PLAAT3: variants seen among roughly 807,000 people sequenced by gnomAD.
PLAAT3 encodes phospholipase A and acyltransferase 3, also known as Ca-independent phospholipase A1/2.
Under a neutral mutation model 16.7 loss-of-function variants are expected in PLAAT3, and 21 were observed. That is an observed-to-expected ratio of 1.26 (90% CI 0.89 to 1.81). PLAAT3 has a LOEUF of 1.81. Ranked by LOEUF, PLAAT3 falls within the 40% of genes most tolerant of loss-of-function variation. The pLI, the probability that PLAAT3 is intolerant of heterozygous loss-of-function variation, is 0.00. For missense variants in PLAAT3, 219 were observed against 213.7 expected (o/e 1.02, Z -0.16); for synonymous variants, 76 against 81.7 (o/e 0.93, Z 0.38).
At position 63,598,830 on chromosome 11, in the gene PLAAT3, G is replaced by A. The variant is rs117917256; in HGVS notation, c.16-667C>T. 1,013 of 445,512 alleles carry A rather than the reference G, an allele frequency of 2.3e-3. 2 individuals are homozygous for A. Among genetic ancestry groups the A allele is most frequent in the Non-Finnish European group, 3.6e-3 (810 of 222,600 alleles). 27.6% of individuals were successfully genotyped at this position (445,512 alleles called of 1,614,324 possible). On this transcript the variant is annotated intron_variant, in intron 2 of 4. Coordinates refer to ENST00000415826, the MANE Select transcript of PLAAT3 (RefSeq NM_001128203.2). The stretch of plus-strand genomic sequence containing the variant: ...GTAATGTCCCCCGGCTGCTCAGCCT[G>A]ATGCTAAGGTGTGCATGTTCACATT...
chr11:63,614,170 C>T, intron 1 of PLAAT3, 102 bp from the exon 2 acceptor site: 1 of 983,976 alleles, frequency 1.0e-6, no homozygotes, highest in Non-Finnish European at 1.6e-6. Flanking sequence ...AGAGGCGCGC[C>T]TCGGACCCCA....
intron 3 of PLAAT3, among the ~76,000 whole-genome samples, chr11:63,590,758 G>A (rs751402430): frequency 6.6e-6 from 1 of 152,220 alleles, no homozygotes; most frequent in Non-Finnish European, 1.5e-5. Context: ...ACCACACAAA[G>A]CTGCTTACTG....
At chr11:63,615,086 A>ATGTATATGTGTATATATGTGTATATATG (rs1565259640), upstream of PLAAT3, among the ~76,000 whole-genome samples, 9 of 20,202 alleles carry the variant, frequency 4.5e-4, 2 homozygotes, top group East Asian at 4.3e-3. Flanking sequence ...GTGTGTATAT[A>ATGTATATGTGTATATATGTGTATATATG]TGTGTATATA....
intron 2 of PLAAT3, among the ~76,000 whole-genome samples, chr11:63,605,189 G>A (rs12294914): frequency 0.019 from 2,949 of 152,188 alleles, 90 homozygotes; most frequent in African/African-American, 0.068. Flanking sequence ...GAGGTCAAGA[G>A]TGCGAGACCA....
chr11:63,595,960 G>A lies in PLAAT3; in HGVS notation c.118+2101C>T, dbSNP rs1257359243. Among the ~76,000 whole-genome samples, 3 of 151,544 alleles carry A rather than the reference G, an allele frequency of 2.0e-5. 1 individual carries two copies. Among genetic ancestry groups the A allele is most frequent in the African/African-American group, 4.9e-5 (2 of 41,180 alleles). On this transcript the variant is annotated intron_variant, in intron 3 of 4. Transcript: ENST00000415826. ...TACGCTTAAGAGTTGAGTGTGTTGC[G>A]GCCGGGCACAGTGGCTCACGCCTGT...
intron 2 of PLAAT3, among the ~76,000 whole-genome samples, chr11:63,605,593 C>T (rs956930411): frequency 6.6e-6 from 1 of 152,044 alleles, no homozygotes; most frequent in African/African-American, 2.4e-5. Flanking sequence ...CGCACTGTCG[C>T]CCAGGCTGGA....
rs1381088327 is a variant in PLAAT3, at chr11:63,579,843, A to T, written c.388-4797T>A. On this transcript the variant is annotated intron_variant, in intron 4 of 4. Coordinates refer to ENST00000415826, the MANE Select transcript of PLAAT3 (RefSeq NM_001128203.2). The stretch of plus-strand genomic sequence containing the variant: ...CATATGTAACAAACCTGCACGTTGT[A>T]CACATGTACCCTAAAACTTAAAGTA... Among the ~76,000 whole-genome samples, 3 of 149,046 alleles carry T rather than the reference A, an allele frequency of 2.0e-5. No homozygotes were observed. The South Asian group carries it at 6.4e-4, about 32-fold the overall frequency.
chr11:63,595,964 G>A (rs191775624), intron 3 of PLAAT3, among the ~76,000 whole-genome samples: 6 of 151,686 alleles, frequency 4.0e-5, no homozygotes, highest in East Asian at 3.9e-4. Flanking sequence ...TGTTGCGGCC[G>A]GGCACAGTGG....
Position 63,575,048 on chromosome 11 carries a change from T to G in PLAAT3, c.388-2A>C. ...TGCAGCGATGATGACATCTCTGACC[T>G]GCAACAAAGAAGAGGGTGGGTCACA... On this transcript the variant is annotated splice_acceptor_variant, in intron 4 of 4. Transcript: ENST00000415826. LOFTEE classifies it high-confidence loss of function. 1 of 1,601,128 alleles carries G rather than the reference T, an allele frequency of 6.2e-7. No homozygotes were observed. The highest frequency in any genetic ancestry group is 8.6e-7 in the Non-Finnish European group (1 of 1,168,322).
intron 4 of PLAAT3, among the ~76,000 whole-genome samples, chr11:63,580,819 A>G (rs1937789111): frequency 6.6e-6 from 1 of 152,252 alleles, no homozygotes; most frequent in South Asian, 2.1e-4. Flanking sequence ...ATAGATGGGG[A>G]CTATAAGCCA....
chr11:63,602,113 C>A (rs1201018393), intron 2 of PLAAT3, among the ~76,000 whole-genome samples: 1 of 150,794 alleles, frequency 6.6e-6, no homozygotes, highest in Non-Finnish European at 1.5e-5. Flanking sequence ...TATGGTGAAA[C>A]CCCCCGTCTC....
intron 2 of PLAAT3, among the ~76,000 whole-genome samples, chr11:63,609,139 C>T (rs895913469): frequency 2.6e-5 from 4 of 152,198 alleles, no homozygotes; most frequent in East Asian, 3.8e-4. Flanking sequence ...CAGAATGAAA[C>T]GAATTCTCCA....
intron 2 of PLAAT3, among the ~76,000 whole-genome samples, chr11:63,601,612 A>G (rs370339191): frequency 2.6e-5 from 4 of 152,200 alleles, no homozygotes; most frequent in Non-Finnish European, 5.9e-5. Flanking sequence ...GGCAAGTTGG[A>G]TATCTTTAAA....
chr11:63,598,965 C>A (rs111382643), intron 2 of PLAAT3, among the ~76,000 whole-genome samples: 7,448 of 152,184 alleles, frequency 0.049, 642 homozygotes, highest in African/African-American at 0.17. Context: ...TGCTCTCACC[C>A]TGTTAGGGGA....
intron 4 of PLAAT3, among the ~76,000 whole-genome samples, chr11:63,589,444 G>A (rs1308412804): frequency 1.4e-5 from 2 of 148,122 alleles, no homozygotes; most frequent in Non-Finnish European, 3.0e-5. Context: ...GGAAGTGGCT[G>A]AAAGGGAGGG....
chr11:63,606,459 CA>C (rs1565256546), intron 2 of PLAAT3, among the ~76,000 whole-genome samples: 2,459 of 151,804 alleles, frequency 0.016, 58 homozygotes, highest in African/African-American at 0.055. Context: ...CACACACACA[CA>C]CACCTTAGTA....
At chr11:63,603,741 CACACACACACACAGACAG>C (rs1938490147) in intron 2 of PLAAT3, among the ~76,000 whole-genome samples, 1 of 138,344 alleles carries the variant, frequency 7.2e-6, no homozygotes, top group African/African-American at 3.0e-5. Context: ...CACACACACA[CACACACACACACAGACAG>C]AGATATTAGA....
intron 3 of PLAAT3, among the ~76,000 whole-genome samples, chr11:63,594,243 T>TA (rs1938226325): frequency 6.6e-6 from 1 of 152,126 alleles, no homozygotes; most frequent in African/African-American, 2.4e-5. Context: ...GTCAAGAGGT[T>TA]ATGCAAGTCT....
intron 4 of PLAAT3, among the ~76,000 whole-genome samples, chr11:63,584,463 G>A (rs1478740035): frequency 7.1e-6 from 1 of 141,768 alleles, no homozygotes; most frequent in Non-Finnish European, 1.5e-5. Flanking sequence ...TAAATTCATT[G>A]TTTCCCTTCT....
Sources: gnomAD v4.1 joint callset for allele counts (sites outside exome capture counted in the v4.1 genomes callset) on GRCh38, gnomAD v4.1.1 for gene constraint, MANE v1.5 for transcripts, NCBI Gene and HGNC (gene_info 2026-07-23, HGNC 2026-07-21) for gene names.